PDE3B: variants seen among roughly 807,000 people sequenced by gnomAD.
The protein encoded by PDE3B is phosphodiesterase 3B.
PDE3B carries 66 observed loss-of-function variants against 116.8 expected under a neutral mutation model. That is an observed-to-expected ratio of 0.56 (90% confidence interval 0.46 to 0.69). PDE3B has a LOEUF of 0.69. Ranked by LOEUF, PDE3B falls within the 30% of genes least tolerant of loss-of-function variation. PDE3B has a pLI of 0.00. For synonymous variants in PDE3B, 595 were observed against 533.6 expected, an observed-to-expected ratio of 1.12 and a Z score of -1.59; for missense variants, 1,384 against 1,368.1, an observed-to-expected ratio of 1.01 and a Z score of -0.18.
At chr11:14,807,813 C>T (rs376977425) in intron 5 of PDE3B, among the ~76,000 whole-genome samples, 2 of 151,922 alleles carry the variant, frequency 1.3e-5, no homozygotes, top group African/African-American at 2.4e-5. Context: ...TTGGGAGGCT[C>T]AGGTGGGTGG....
chr11:14,740,953 G>T (rs1432451822), intron 1 of PDE3B, among the ~76,000 whole-genome samples: 1 of 152,186 alleles, frequency 6.6e-6, no homozygotes, highest in Non-Finnish European at 1.5e-5. Flanking sequence ...TGATTGCACT[G>T]TGGCCTGAGA....
intron 1 of PDE3B, among the ~76,000 whole-genome samples, chr11:14,735,898 A>G (rs118010373): frequency 6.6e-6 from 1 of 152,106 alleles, no homozygotes; most frequent in Admixed American, 6.5e-5. Context: ...AGTGAGGAAG[A>G]GAACACGGAA....
chr11:14,658,043 G>A (rs1460582350), intron 1 of PDE3B, among the ~76,000 whole-genome samples: 3 of 152,182 alleles, frequency 2.0e-5, no homozygotes, highest in Non-Finnish European at 4.4e-5. Flanking sequence ...TGCCTGGAGA[G>A]CCTATCCATG....
At chr11:14,682,273 A>G (rs1854733687) in intron 1 of PDE3B, among the ~76,000 whole-genome samples, 1 of 152,186 alleles carries the variant, frequency 6.6e-6, no homozygotes, top group Non-Finnish European at 1.5e-5. Context: ...TCGACTGTAA[A>G]TGATAACGTT....
intron 2 of PDE3B, among the ~76,000 whole-genome samples, chr11:14,785,556 C>T (rs957570931): frequency 6.6e-6 from 1 of 151,948 alleles, no homozygotes; most frequent in African/African-American, 2.4e-5. Flanking sequence ...GGTACAACAA[C>T]AACAACAAAA....
At chr11:14,735,804 C>G (rs942091087) in intron 1 of PDE3B, among the ~76,000 whole-genome samples, 2 of 152,046 alleles carry the variant, frequency 1.3e-5, no homozygotes, top group Non-Finnish European at 2.9e-5. Flanking sequence ...GGTACACATT[C>G]AAGGTTTGGT....
intron 1 of PDE3B, among the ~76,000 whole-genome samples, chr11:14,710,603 T>G (rs1384981613): frequency 3.9e-5 from 6 of 152,138 alleles, no homozygotes. Flanking sequence ...CCAAAGCCAC[T>G]GGCAACTACC....
chr11:14,827,226 A>C (rs2133958614), intron 7 of PDE3B, among the ~76,000 whole-genome samples: 1 of 152,354 alleles, frequency 6.6e-6, no homozygotes, highest in East Asian at 1.9e-4. Flanking sequence ...TGAATGGGCA[A>C]AAGCTGGAAG....
chr11:14,718,390 G>A (rs1855977447), intron 1 of PDE3B, among the ~76,000 whole-genome samples: 1 of 140,884 alleles, frequency 7.1e-6, no homozygotes. Flanking sequence ...AGGATACCCA[G>A]GAATTGAACT....
intron 11 of PDE3B, among the ~76,000 whole-genome samples, chr11:14,840,127 T>C (rs1451940279): frequency 6.6e-6 from 1 of 152,204 alleles, no homozygotes; most frequent in Non-Finnish European, 1.5e-5. Flanking sequence ...TGCAAATTAC[T>C]CTGCCATTTT....
At chr11:14,718,004 G>T (rs1445695471) in intron 1 of PDE3B, among the ~76,000 whole-genome samples, 1 of 149,488 alleles carries the variant, frequency 6.7e-6, no homozygotes, top group Non-Finnish European at 1.5e-5. Context: ...AGACCCATCA[G>T]TGTGCTGTAT....
intron 4 of PDE3B, among the ~76,000 whole-genome samples, chr11:14,791,836 T>C (rs1430869972): frequency 1.3e-5 from 2 of 152,142 alleles, no homozygotes; most frequent in African/African-American, 4.8e-5. Context: ...TATAAAATGG[T>C]GTAGTATTTA....
At chr11:14,856,660 C>G (rs1430516193) in intron 12 of PDE3B, among the ~76,000 whole-genome samples, 3 of 151,958 alleles carry the variant, frequency 2.0e-5, no homozygotes, top group African/African-American at 4.8e-5. Context: ...AGAGACTATC[C>G]TGGTAACATG....
intron 1 of PDE3B, among the ~76,000 whole-genome samples, chr11:14,713,911 A>G (rs1855787746): frequency 6.6e-6 from 1 of 152,170 alleles, no homozygotes; most frequent in Admixed American, 6.5e-5. Context: ...ATGTGATGGA[A>G]GCAGTCTCAA....
At position 14,844,015 on chromosome 11, in the gene PDE3B, A is replaced by G. The variant is rs1400741339; in HGVS notation, c.2509A>G (p.Asn837Asp). 1 of 1,613,404 alleles carries G rather than the reference A, an allele frequency of 6.2e-7. No homozygotes were observed. Among genetic ancestry groups the G allele is most frequent in the East Asian group, 2.2e-5 (1 of 44,874 alleles). Residue 837 changes from asparagine to aspartate, a missense_variant, in exon 12 of 16, where the codon AAT (asparagine) becomes GAT (aspartate). By Grantham distance (23) the Asn-to-Asp change is conservative (BLOSUM62 1). Transcript: ENST00000282096. ...GRTNAFLVAT[N>D]APQAVLYNDR... ...GACAAATGCATTTCTAGTGGCTACA[A>G]ATGCCCCTCAGGTAGGAAATATTTT...
chr11:14,644,822 C>G lies in PDE3B; in HGVS notation c.747C>G (p.Ser249=). ...CCTCCGCCCTCAGGCCGCTGCTCTCCGGCCTGGTGGGGGGCGCTGGCTGCC... is the reference window on the plus strand; with the variant it reads ...CCTCCGCCCTCAGGCCGCTGCTCTCGGGCCTGGTGGGGGGCGCTGGCTGCC... ...SLPSALRPLL[S]GLVGGAGCLL... Residue 249 remains serine, a synonymous_variant, in exon 1 of 16, where the codon TCC becomes TCG. Coordinates refer to ENST00000282096, the MANE Select transcript of PDE3B (RefSeq NM_000922.4). 2 of 1,611,998 alleles carry G rather than the reference C, an allele frequency of 1.2e-6. No individual in the cohort carries two copies. Among genetic ancestry groups the G allele is most frequent in the Non-Finnish European group, 1.7e-6 (2 of 1,178,994 alleles).
intron 1 of PDE3B, among the ~76,000 whole-genome samples, chr11:14,751,402 C>T (rs918202137): frequency 2.6e-5 from 4 of 152,080 alleles, no homozygotes; most frequent in Non-Finnish European, 4.4e-5. Context: ...TTCTCTGATA[C>T]GCCATCTAAT....
the PDE3B span, chr11:14,886,623 G>C: frequency 6.6e-6 from 1 of 152,520 alleles, no homozygotes; most frequent in African/African-American, 2.4e-5. Flanking sequence ...CACTTACAAT[G>C]TCACACCTCC....
At chr11:14,781,762 G>T (rs894038013) in intron 2 of PDE3B, among the ~76,000 whole-genome samples, 1 of 152,148 alleles carries the variant, frequency 6.6e-6, no homozygotes, top group Non-Finnish European at 1.5e-5. Context: ...AGACAGGGGT[G>T]CCTCTCTCTC....
Sources: gnomAD v4.1 joint callset for allele counts (sites outside exome capture counted in the v4.1 genomes callset) on GRCh38, gnomAD v4.1.1 for gene constraint, MANE v1.5 for transcripts, NCBI Gene and HGNC (gene_info 2026-07-23, HGNC 2026-07-21) for gene names.